Variants in DNAH11 observed in about 807,000 individuals in gnomAD.
DNAH11 encodes the protein dynein axonemal heavy chain 11, also known as axonemal beta dynein heavy chain 11.
A neutral mutation model predicts 526.0 loss-of-function variants in DNAH11; 442 were observed. That is an observed-to-expected ratio of 0.84 (90% CI 0.78 to 0.91). The LOEUF is 0.91. Ranked by LOEUF, DNAH11 falls within the 40% of genes least tolerant of loss-of-function variation. The pLI is 0.00. For synonymous variants in DNAH11, 2,461 were observed against 1,935.9 expected (o/e 1.27, Z -7.12); for missense variants, 6,989 against 5,448.7 (o/e 1.28, Z -8.90).
chr7:21,700,564 T>C (rs1784013055), intron 36 of DNAH11, among the ~76,000 whole-genome samples: 1 of 152,136 alleles, frequency 6.6e-6, no homozygotes, highest in South Asian at 2.1e-4. Flanking sequence ...CCCTCAAAGT[T>C]CTTATTCTCA....
At chr7:21,674,592 C>T (rs1261720546) in intron 30 of DNAH11, among the ~76,000 whole-genome samples, 1 of 152,176 alleles carries the variant, frequency 6.6e-6, no homozygotes, top group Non-Finnish European at 1.5e-5. Flanking sequence ...CTCCTAGCCT[C>T]AAGTGATCCA....
intron 69 of DNAH11, among the ~76,000 whole-genome samples, chr7:21,863,461 G>A (rs1285617142): frequency 6.6e-6 from 1 of 152,168 alleles, no homozygotes; most frequent in Non-Finnish European, 1.5e-5. Flanking sequence ...CCGAGTAGCT[G>A]GGACTACAGG....
intron 28 of DNAH11, among the ~76,000 whole-genome samples, chr7:21,648,849 T>C (rs555359827): frequency 2.9e-4 from 44 of 152,320 alleles, no homozygotes; most frequent in African/African-American, 9.9e-4. Flanking sequence ...CAAGTACTAA[T>C]CCAAGTTTTT....
At chr7:21,669,657 TTGTG>T (rs58030631) in intron 30 of DNAH11, among the ~76,000 whole-genome samples, 83,633 of 149,732 alleles carry the variant, frequency 0.56, 23,442 homozygotes, top group Admixed American at 0.68. Flanking sequence ...GTTTTTCTTT[TTGTG>T]TGTGTGTGTG....
chr7:21,823,214 A>G (rs1790129603), intron 65 of DNAH11, among the ~76,000 whole-genome samples: 1 of 152,180 alleles, frequency 6.6e-6, no homozygotes, highest in Middle Eastern at 3.4e-3. Flanking sequence ...TTTCAAATAA[A>G]CAGGCACTAC....
chr7:21,745,143 T>C, intron 51 of DNAH11, 80 bp downstream of exon 51: 1 of 1,395,032 alleles, frequency 7.2e-7, no homozygotes, highest in East Asian at 2.5e-5. Flanking sequence ...CAATAGATCA[T>C]ACTAAGCACT....
At chr7:21,689,994 A>G (rs1470475312) in intron 34 of DNAH11, among the ~76,000 whole-genome samples, 2 of 152,168 alleles carry the variant, frequency 1.3e-5, no homozygotes, top group East Asian at 3.9e-4. Context: ...TATTTCTCCA[A>G]CGCAAATCTT....
chr7:21,690,683 A>C, intron 34 of DNAH11, 82 bp from the exon 35 acceptor site: 1 of 1,005,456 alleles, frequency 9.9e-7, no homozygotes, highest in South Asian at 1.5e-5. Flanking sequence ...AATAATTTGC[A>C]TTTTGCAGTG....
chr7:21,676,173 C>A (rs1033688062), intron 30 of DNAH11, among the ~76,000 whole-genome samples: 1 of 152,156 alleles, frequency 6.6e-6, no homozygotes, highest in African/African-American at 2.4e-5. Context: ...ATTTCTAGTT[C>A]AAGATACATG....
intron 68 of DNAH11, among the ~76,000 whole-genome samples, chr7:21,857,074 A>G (rs943221786): frequency 1.3e-5 from 2 of 152,182 alleles, no homozygotes; most frequent in Non-Finnish European, 2.9e-5. Flanking sequence ...GAAAATCCCA[A>G]GAAACTCACC....
intron 38 of DNAH11, 113 bp from the exon 39 acceptor site, chr7:21,705,347 G>T (rs759382929): frequency 3.1e-5 from 29 of 936,600 alleles, no homozygotes; most frequent in East Asian, 1.3e-4. Flanking sequence ...ACATACTGTT[G>T]TCAGTGGGGG....
At chr7:21,875,885 T>TTA (rs1377848440) in intron 74 of DNAH11, among the ~76,000 whole-genome samples, 1 of 140,410 alleles carries the variant, frequency 7.1e-6, no homozygotes, top group Non-Finnish European at 1.5e-5. Flanking sequence ...TTCTTTTTTT[T>TTA]TTTTTTTTTT....
Position 21,708,813 on chromosome 7 carries a change from C to G in DNAH11, c.6683+978C>G, listed in dbSNP as rs75629902. ...TTGCTCCCTTATCTTATTTCAGCAT[C>G]TGGTGAAATGTCATATCAGAGAAGA... is the stretch of plus-strand genomic sequence containing the variant. On this transcript the variant is annotated intron_variant, in intron 40 of 81. Coordinates refer to ENST00000409508, the MANE Select transcript of DNAH11 (RefSeq NM_001277115.2). 9.0e-3 allele frequency among the ~76,000 whole-genome samples: 1,363 copies of G among 152,248 alleles called. 12 individuals are homozygous for G. The highest frequency in any genetic ancestry group is 0.018 in the African/African-American group (758 of 41,532).
chr7:21,696,730 A>G (rs1783868097), intron 35 of DNAH11, among the ~76,000 whole-genome samples: 1 of 151,854 alleles, frequency 6.6e-6, no homozygotes, highest in South Asian at 2.1e-4. Flanking sequence ...CCACTCACCA[A>G]CCATGAGGCC....
In DNAH11 at chr7:21,628,077, C is replaced by G. The variant is rs1219038494; in HGVS notation, c.4501-7794C>G. 2.0e-5 allele frequency among the ~76,000 whole-genome samples: 3 copies of G among 151,618 alleles called. No individual in the cohort carries two copies. In the East Asian group the frequency reaches 5.8e-4, roughly 29 times the overall value. On this transcript the variant is annotated intron_variant, in intron 25 of 81. Transcript: ENST00000409508. ...GTAAATGTGATTGCCTTCTTGATTT[C>G]TTTTTTCAAATGTTTTCTGTTGGTA...
At chr7:21,899,770 G>GT (rs1036853075) in intron 80 of DNAH11, among the ~76,000 whole-genome samples, 2 of 152,300 alleles carry the variant, frequency 1.3e-5, no homozygotes, top group African/African-American at 4.8e-5. Context: ...ACAAATGGCT[G>GT]TGACTATTCC....
At chr7:21,883,465 A>G (rs1338479149) in intron 75 of DNAH11, among the ~76,000 whole-genome samples, 2 of 152,258 alleles carry the variant, frequency 1.3e-5, no homozygotes, top group African/African-American at 2.4e-5. Context: ...TAGGCCAGTC[A>G]TGCCGTAAGA....
At chr7:21,890,908 C>T (rs947392719) in intron 76 of DNAH11, among the ~76,000 whole-genome samples, 21 of 152,154 alleles carry the variant, frequency 1.4e-4, no homozygotes, top group African/African-American at 4.1e-4. Context: ...TGAAAATCCT[C>T]CCGGTACAAA....
chr7:21,702,728 C>G lies in DNAH11; in HGVS notation c.6199C>G (p.Leu2067Val). Residue 2067 changes from leucine (L) to valine (V), a missense_variant, in exon 37 of 82, where the codon CTT becomes GTT. By Grantham distance (32) the Leu-to-Val change is conservative. Coordinates refer to ENST00000409508, the MANE Select transcript of DNAH11 (RefSeq NM_001277115.2). ...ATTTTAGGATCATTACGACTGGGGA[C>G]TTCGTGCTATTAAGTCTGTCTTGGT... ...LSKQDHYDWG[L>V]RAIKSVLVVA... 2 of 1,613,582 alleles carry G rather than the reference C, an allele frequency of 1.2e-6. No individual in the cohort carries two copies. The highest frequency in any genetic ancestry group is 1.1e-5 in the South Asian group (1 of 91,030).
Sources: gnomAD v4.1 joint callset for allele counts (sites outside exome capture counted in the v4.1 genomes callset) on GRCh38, gnomAD v4.1.1 for gene constraint, MANE v1.5 for transcripts, NCBI Gene and HGNC (gene_info 2026-07-23, HGNC 2026-07-21) for gene names.